LYRM9: variants seen among roughly 807,000 people sequenced by gnomAD.
LYRM9 encodes LYR motif-containing protein 9.
LYRM9 carries 14 observed loss-of-function variants against 12.6 expected under a neutral mutation model. That is an observed-to-expected ratio of 1.11 (90% confidence interval 0.73 to 1.73). The LOEUF (loss-of-function observed/expected upper bound fraction) is 1.73, where lower values mean the gene tolerates loss of function less well. LYRM9 is among the 40% of genes most tolerant of loss of function. The probability of loss-of-function intolerance (pLI) is 0.00; values close to 1 mark genes in which losing one functional copy is unlikely to be tolerated. For synonymous variants in LYRM9, 42 were observed against 35.1 expected (o/e 1.20, Z -0.69); for missense variants, 94 against 95.0 (o/e 0.99, Z 0.04).
intron 1 of LYRM9, among the ~76,000 whole-genome samples, chr17:27,890,354 A>G (rs963667596): frequency 1.3e-5 from 2 of 152,148 alleles, no homozygotes; most frequent in African/African-American, 4.8e-5. Flanking sequence ...TCTGAAACCC[A>G]AGGACATCGT....
intron 2 of LYRM9, among the ~76,000 whole-genome samples, chr17:27,881,732 A>T (rs1228024218): frequency 6.6e-6 from 1 of 152,182 alleles, no homozygotes; most frequent in Non-Finnish European, 1.5e-5. Flanking sequence ...CACAGTAATC[A>T]AATTCAGAAG....
intron 3 of LYRM9, chr17:27,879,949 G>A (rs981342733): frequency 9.6e-5 from 59 of 612,988 alleles, no homozygotes; most frequent in African/African-American, 4.3e-4. Context: ...CCCTCTCTGC[G>A]GCATCACAGT....
intron 2 of LYRM9, 151 bp from the exon 3 acceptor site, chr17:27,880,517 G>A (rs1023412898): frequency 3.3e-6 from 2 of 614,688 alleles, no homozygotes; most frequent in African/African-American, 1.8e-5. Flanking sequence ...ATCCCACACA[G>A]AGATGAGGAA....
rs1905230609 is a variant in LYRM9, at chr17:27,886,340, T to C, written c.-18-3628A>G. The stretch of plus-strand genomic sequence containing the variant: ...TAATAACTAGTAGAGAATACATGTG[T>C]GGGTCCACTTAGAAGAGCTAAACTA... On this transcript the variant is annotated intron_variant, in intron 1 of 3. Transcript: ENST00000379102. The surrounding 1 kb of genome is among the most constrained non-coding windows in gnomAD (Gnocchi z 4.8). Among the ~76,000 whole-genome samples, 1 of 152,236 alleles carries C rather than the reference T, an allele frequency of 6.6e-6. No individual in the cohort carries two copies. The highest frequency in any genetic ancestry group is 6.5e-5 in the Admixed American group (1 of 15,288).
At chr17:27,880,064 TGA>T in intron 3 of LYRM9, 1 of 699,474 alleles carries the variant, frequency 1.4e-6, no homozygotes, top group Non-Finnish European at 2.6e-6. Flanking sequence ...GGATGAAGAG[TGA>T]GAGCCCCTCC....
At chr17:27,887,716 GTGTGTGTGTGTGTGTGTGTGTGTGTGT>G (rs1905280573) in intron 1 of LYRM9, among the ~76,000 whole-genome samples, 2 of 115,738 alleles carry the variant, frequency 1.7e-5, no homozygotes, top group Non-Finnish European at 3.4e-5. Flanking sequence ...GAGGGAGGGT[GTGTGTGTGTGTGTGTGTGTGTGTGTGT>G]GTGTGTGTGT....
intron 1 of LYRM9, among the ~76,000 whole-genome samples, chr17:27,884,095 T>A (rs1350594540): frequency 6.6e-6 from 1 of 151,162 alleles, no homozygotes; most frequent in Non-Finnish European, 1.5e-5. Flanking sequence ...GAGTTTTGTA[T>A]AAATGGAATT....
chr17:27,882,767 C>T, intron 1 of LYRM9, 55 bp from the exon 2 acceptor site: 3 of 1,497,234 alleles, frequency 2.0e-6, no homozygotes, highest in Non-Finnish European at 2.7e-6. Context: ...AGTACTCAGC[C>T]CTGACCCCCA....
At chr17:27,879,714 AGGATAGTGATAACTCACTCT>A (rs896579521) in intron 3 of LYRM9, 6 of 558,226 alleles carry the variant, frequency 1.1e-5, no homozygotes, top group African/African-American at 9.6e-5. Context: ...CTGGGGAGGG[AGGATAGTGATAACTCACTCT>A]GGAGAGTGAG....
chr17:27,881,960 T>C (rs1032139788), intron 2 of LYRM9, among the ~76,000 whole-genome samples: 45 of 152,178 alleles, frequency 3.0e-4, no homozygotes, highest in African/African-American at 9.4e-4. Context: ...GGTCTTTCTA[T>C]GTTGCCCAGG....
chr17:27,889,399 C>A (rs1222771932), intron 1 of LYRM9, among the ~76,000 whole-genome samples: 1 of 151,984 alleles, frequency 6.6e-6, no homozygotes, highest in African/African-American at 2.4e-5. Flanking sequence ...CCTCTGCCTC[C>A]CGGGTTCAAG....
intron 1 of LYRM9, among the ~76,000 whole-genome samples, chr17:27,887,568 A>C (rs1258659126): frequency 6.6e-6 from 1 of 152,194 alleles, no homozygotes; most frequent in Non-Finnish European, 1.5e-5. Flanking sequence ...TAGTCCAGGC[A>C]AACTGAGCCC....
chr17:27,882,523 C>G, intron 2 of LYRM9, 46 bp downstream of exon 2: 1 of 1,512,676 alleles, frequency 6.6e-7, no homozygotes, highest in Non-Finnish European at 8.8e-7. Flanking sequence ...CGCCCCTAAG[C>G]CTGCCATTAG....
At chr17:27,880,706 C>T (rs567800514) in intron 2 of LYRM9, 71 of 315,384 alleles carry the variant, frequency 2.3e-4, no homozygotes, top group Non-Finnish European at 3.4e-4. Flanking sequence ...CATCTCTCTT[C>T]CTCAGAAGAC....
intron 1 of LYRM9, among the ~76,000 whole-genome samples, chr17:27,888,528 T>G (rs1166367587): frequency 1.3e-5 from 2 of 152,210 alleles, no homozygotes; most frequent in African/African-American, 2.4e-5. Context: ...GGAGAATCAC[T>G]TTACTCTCAG....
chr17:27,885,773 C>T (rs1905213098), intron 1 of LYRM9, among the ~76,000 whole-genome samples: 1 of 151,836 alleles, frequency 6.6e-6, no homozygotes, highest in Non-Finnish European at 1.5e-5. Flanking sequence ...GAAGTCCTTC[C>T]CCTAGACTTC....
intron 1 of LYRM9, among the ~76,000 whole-genome samples, chr17:27,890,802 T>G (rs1461997225): frequency 6.6e-6 from 1 of 152,206 alleles, no homozygotes; most frequent in Non-Finnish European, 1.5e-5. Flanking sequence ...ATGCAATTAC[T>G]CTTCTTGAAG....
intron 1 of LYRM9, among the ~76,000 whole-genome samples, chr17:27,891,698 A>G (rs1905456777): frequency 6.6e-6 from 1 of 152,212 alleles, no homozygotes; most frequent in Non-Finnish European, 1.5e-5. Context: ...ATGTGACAGA[A>G]CTTAGAGCAG....
At chr17:27,887,728 G>C (rs1278684200) in intron 1 of LYRM9, among the ~76,000 whole-genome samples, 1 of 149,654 alleles carries the variant, frequency 6.7e-6, no homozygotes, top group African/African-American at 2.5e-5. Context: ...GTGTGTGTGT[G>C]TGTGTGTGTG....
Sources: allele counts gnomAD v4.1 joint callset (sites outside exome capture counted in the v4.1 genomes callset), GRCh38; gene constraint gnomAD v4.1.1; non-coding constraint Gnocchi (gnomAD v3.1); transcripts MANE v1.5; gene names NCBI Gene and HGNC (gene_info 2026-07-23, HGNC 2026-07-21).